The following KIF23 variants were observed in gnomAD, a reference collection of about 807,000 sequenced individuals.
KIF23 encodes kinesin-like protein KIF23.
KIF23 carries 30 observed loss-of-function variants against 137.5 expected under a neutral mutation model. The observed-to-expected ratio is 0.22, with a 90% CI of 0.16 to 0.30. The LOEUF (loss-of-function observed/expected upper bound fraction) is 0.30. KIF23 is among the 10% of genes least tolerant of loss of function. The pLI is 1.00. For missense variants in KIF23, 920 were observed against 1,194.3 expected (o/e 0.77, Z 3.38); for synonymous variants, 367 against 391.1 (o/e 0.94, Z 0.73).
intron 6 of KIF23, chr15:69,422,928 G>C (rs2057095250): frequency 5.5e-6 from 2 of 365,720 alleles, no homozygotes; most frequent in East Asian, 7.1e-5. Context: ...AGCCCCCCTA[G>C]TAGCTGGGAT....
At chr15:69,415,647 C>G (rs1425546896) in intron 1 of KIF23, among the ~76,000 whole-genome samples, 1 of 152,170 alleles carries the variant, frequency 6.6e-6, no homozygotes, top group Non-Finnish European at 1.5e-5. Context: ...TGAAGTTAAT[C>G]GCTTGTCAGT....
At position 69,436,629 on chromosome 15, in the gene KIF23, A is replaced by G. The variant is rs776907041; in HGVS notation, c.1504A>G (p.Ile502Val). The change falls in exon 15 of 24, where the codon ATC (isoleucine) becomes GTC (valine). Residue 502 changes from isoleucine to valine, a missense_variant. By Grantham distance (29) the Ile-to-Val change is conservative (BLOSUM62 3). Transcript: ENST00000679126. ...TTTGCCATCATGCGAAATTTTGGAT[A>G]TCAACGATGAGCAGACACTTCCAAG... ...PPLPSCEILD[I>V]NDEQTLPRLI... 2.3e-5 allele frequency: 37 copies of G among 1,612,516 alleles called. 2 individuals are homozygous for G. The Middle Eastern group carries it at 3.9e-3, about 172-fold the overall frequency.
intron 7 of KIF23, among the ~76,000 whole-genome samples, chr15:69,423,801 T>C (rs1486668143): frequency 6.6e-6 from 1 of 152,228 alleles, no homozygotes; most frequent in East Asian, 1.9e-4. Flanking sequence ...ATATCTGCAC[T>C]GTAATTCCAT....
Position 69,417,421 on chromosome 15 carries a change from A to C in KIF23, c.120A>C (p.Gln40His). Residue 40 changes from glutamine (Q) to histidine (H), a missense_variant, in exon 3 of 24, where the codon CAA becomes CAC. Physicochemically the swap from Gln to His is conservative, Grantham distance 24. Transcript: ENST00000679126. ...CRVRPLGFPD[Q>H]ECCIEVINNT... ...TGCGCCCACTGGGCTTTCCTGATCAAGAGTGTTGCATAGAAGTGATCAATA... is the reference window on the plus strand; with the variant it reads ...TGCGCCCACTGGGCTTTCCTGATCACGAGTGTTGCATAGAAGTGATCAATA... 1.2e-6 allele frequency: 2 copies of C among 1,613,230 alleles called. No homozygotes were observed. Among genetic ancestry groups the C allele is most frequent in the Non-Finnish European group, 8.5e-7 (1 of 1,179,606 alleles).
In KIF23 at chr15:69,422,138, A is replaced by G. The variant is rs1299043109; in HGVS notation, c.453+10A>G. The G allele has an allele frequency of 3.7e-6, 6 of 1,613,274 alleles. No homozygotes were observed. The highest frequency in any genetic ancestry group is 5.1e-6 in the Non-Finnish European group (6 of 1,179,552). On this transcript the variant is annotated intron_variant, in intron 5 of 23. Transcript: ENST00000679126. The stretch of plus-strand genomic sequence containing the variant: ...TCAAGCTAAACGATATGTAAGTATG[A>G]TTCTTTTGTGTTGTGACTATCTTAC...
intron 11 of KIF23, among the ~76,000 whole-genome samples, chr15:69,430,836 G>A (rs1191990735): frequency 6.6e-6 from 1 of 152,108 alleles, no homozygotes; most frequent in East Asian, 1.9e-4. Flanking sequence ...TAGATAGGTA[G>A]GATTGTATCA....
chr15:69,415,934 G>C (rs1487534235), intron 1 of KIF23, 60 bp from the exon 2 acceptor site: 2 of 1,222,456 alleles, frequency 1.6e-6, no homozygotes, highest in Non-Finnish European at 2.3e-6. Context: ...TTTAGGTGAG[G>C]CTTTTGTATT....
At chr15:69,434,902 C>A in intron 11 of KIF23, 1 of 708,944 alleles carries the variant, frequency 1.4e-6, no homozygotes, top group South Asian at 1.7e-5. Context: ...ATCACCATGC[C>A]CAGCTCCAGC....
rs564272289 is a variant in KIF23, at chr15:69,447,939, C to G, written c.*132C>G. 2.1e-5 allele frequency: 16 copies of G among 774,202 alleles called. No individual in the cohort carries two copies. Among genetic ancestry groups the G allele is most frequent in the Non-Finnish European group, 3.4e-5 (16 of 474,102 alleles). 48.0% of individuals were successfully genotyped at this position (774,202 alleles called of 1,614,324 possible). ...TGAAAATCACGGACCTCAGCTACAT[C>G]ATACACTGACCCAGAGCAAAGCTTT... On this transcript the variant is annotated 3_prime_UTR_variant, in exon 24 of 24. Transcript: ENST00000679126.
At position 69,414,420 on chromosome 15, in the gene KIF23, G is replaced by A; in HGVS notation, c.-46G>A. On this transcript the variant is annotated 5_prime_UTR_variant, in exon 1 of 24. Coordinates refer to ENST00000679126, the MANE Select transcript of KIF23 (RefSeq NM_001367805.3). The stretch of plus-strand genomic sequence containing the variant: ...TCCTAACGTCCCGCAGTCTTCGCCA[G>A]CCAGCCGTCCCGCATGCGCGTTTGG... The A allele has an allele frequency of 6.4e-7, 1 of 1,572,680 alleles. No individual in the cohort carries two copies. The highest frequency in any genetic ancestry group is 8.6e-7 in the Non-Finnish European group (1 of 1,158,948).
intron 23 of KIF23, among the ~76,000 whole-genome samples, chr15:69,447,320 T>A (rs1163315873): frequency 6.6e-6 from 1 of 152,180 alleles, no homozygotes; most frequent in Admixed American, 6.5e-5. Flanking sequence ...ACTTGCTTCT[T>A]GGTCTTGGTG....
Position 69,435,545 on chromosome 15 carries a change from A to C in KIF23, c.1177A>C (p.Met393Leu), listed in dbSNP as rs1353513966. The C allele has an allele frequency of 6.2e-7, 1 of 1,614,124 alleles. No homozygotes were observed. The highest frequency in any genetic ancestry group is 2.2e-5 in the East Asian group (1 of 44,862). Residue 393 changes from methionine to leucine, a missense_variant, in exon 12 of 24, where the codon ATG becomes CTG. Coordinates refer to ENST00000679126, the MANE Select transcript of KIF23 (RefSeq NM_001367805.3). ...TCMDVLRENQ[M>L]YGTNKMVPYR... ...TATGGATGTCCTAAGAGAGAACCAA[A>C]TGTATGGAACTAACAAGGTAAGCAG...
In KIF23 at chr15:69,439,861, T is replaced by C. The variant is rs779371238; in HGVS notation, c.1756-43T>C. ...AAGACTATTTTATAGCGACATGAAATGTTTATATACCAAATATTGAACATA... is the reference window on the plus strand; with the variant it reads ...AAGACTATTTTATAGCGACATGAAACGTTTATATACCAAATATTGAACATA... On this transcript the variant is annotated intron_variant, in intron 16 of 23. Coordinates refer to ENST00000679126, the MANE Select transcript of KIF23 (RefSeq NM_001367805.3). 8.5e-6 allele frequency: 12 copies of C among 1,409,602 alleles called. No individual in the cohort carries two copies. In the African/African-American group the frequency reaches 8.7e-5, roughly 10 times the overall value. 87.3% of individuals were successfully genotyped at this position (1,409,602 alleles called of 1,614,324 possible).
Position 69,422,050 on chromosome 15 carries a change from T to A in KIF23, c.375T>A (p.Ser125=). Residue 125 remains serine (S), a synonymous_variant, in exon 5 of 24, where the codon TCT becomes TCA. Coordinates refer to ENST00000679126, the MANE Select transcript of KIF23 (RefSeq NM_001367805.3). The part of the protein sequence containing the change: ...GSGKTHTMTG[S]PGEGGLLPRC... ...GAAAAACTCACACAATGACTGGTTC[T>A]CCAGGGGAAGGAGGGCTGCTTCCTC... The A allele has an allele frequency of 6.2e-7, 1 of 1,614,172 alleles. No homozygotes were observed. Among genetic ancestry groups the A allele is most frequent in the Non-Finnish European group, 8.5e-7 (1 of 1,180,020 alleles).
Position 69,422,112 on chromosome 15 carries a change from T to G in KIF23, c.437T>G (p.Phe146Cys). ...ATGATCTTTAACAGTATAGGGTCAT[T>G]TCAAGCTAAACGATATGTAAGTATG... ...LDMIFNSIGS[F>C]QAKRYVFKSN... Residue 146 changes from phenylalanine to cysteine, a missense_variant, in exon 5 of 24, where the codon TTT (phenylalanine) becomes TGT (cysteine). By Grantham distance (205) the Phe-to-Cys change is radical (BLOSUM62 -2). This residue lies in a region of KIF23 where 714 missense variants were observed against 866.2 expected (regional missense o/e 0.82). Coordinates refer to ENST00000679126, the MANE Select transcript of KIF23 (RefSeq NM_001367805.3). 1 of 1,613,838 alleles carries G rather than the reference T, an allele frequency of 6.2e-7. No individual in the cohort carries two copies. Among genetic ancestry groups the G allele is most frequent in the Non-Finnish European group, 8.5e-7 (1 of 1,179,912 alleles).
rs1247577650 is a variant in KIF23, at chr15:69,435,466, G to A, written c.1115-17G>A. 1 of 1,599,266 alleles carries A rather than the reference G, an allele frequency of 6.3e-7. No homozygotes were observed. Among genetic ancestry groups the A allele is most frequent in the Non-Finnish European group, 8.6e-7 (1 of 1,168,570 alleles). On this transcript the variant is annotated splice_polypyrimidine_tract_variant and intron_variant, in intron 11 of 23. Coordinates refer to ENST00000679126, the MANE Select transcript of KIF23 (RefSeq NM_001367805.3). ...ACTGTTGTTCTGAAATGGCGTCTAT[G>A]TATTTTTTTCTGTCAGGTAATATTA... is the stretch of plus-strand genomic sequence containing the variant.
chr15:69,447,314 G>A (rs1216119023), intron 23 of KIF23, among the ~76,000 whole-genome samples: 1 of 152,144 alleles, frequency 6.6e-6, no homozygotes, highest in Non-Finnish European at 1.5e-5. Context: ...TTCCTGACTT[G>A]CTTCTTGGTC....
chr15:69,446,186 T>C, intron 21 of KIF23, 95 bp downstream of exon 21: 1 of 1,436,050 alleles, frequency 7.0e-7, no homozygotes, highest in East Asian at 2.3e-5. Flanking sequence ...GTATCATTAA[T>C]TCTCCAAAGG....
At chr15:69,415,192 T>C (rs996137507) in intron 1 of KIF23, among the ~76,000 whole-genome samples, 2 of 152,174 alleles carry the variant, frequency 1.3e-5, no homozygotes, top group African/African-American at 4.8e-5. Flanking sequence ...ACTTGTTTAT[T>C]AAGAGGCCGA....
Sources: allele counts gnomAD v4.1 joint callset (sites outside exome capture counted in the v4.1 genomes callset), GRCh38; gene constraint gnomAD v4.1.1; regional missense constraint gnomAD v4.1.1; transcripts MANE v1.5; gene names NCBI Gene and HGNC (gene_info 2026-07-23, HGNC 2026-07-21).